COX16: variants seen among roughly 807,000 people sequenced by gnomAD.
The protein encoded by COX16 is cytochrome c oxidase assembly factor COX16.
A neutral mutation model predicts 15.4 loss-of-function variants in COX16; 12 were observed. The ratio of observed to expected loss-of-function variants is 0.78; its 90% CI spans 0.50 to 1.26. The LOEUF (loss-of-function observed/expected upper bound fraction) is 1.26, where lower values mean the gene tolerates loss of function less well. COX16 is among the 50% of genes most tolerant of loss of function. The pLI is 0.00. For missense variants in COX16, 124 were observed against 127.6 expected (o/e 0.97, Z 0.14); for synonymous variants, 46 against 41.1 (o/e 1.12, Z -0.46).
rs576495712 is a variant in COX16 at position 70,352,645 on chromosome 14, CTTTTTTTTTT to C, written c.69+6864_69+6873del. Among the ~76,000 whole-genome samples the C allele has an allele frequency of 9.5e-5, 8 of 84,486 alleles. No homozygotes were observed. In the East Asian group the frequency reaches 2.4e-3, roughly 25 times the overall value. The allele number at this position is 84,486 out of a possible 152,430, so 55.4% of individuals were successfully genotyped here. ...AACACAAATATATTTCTTTTTTTTT[CTTTTTTTTTT>C]TTTTTTTTGAGACAGAGTCTCGCTC... On this transcript the variant is annotated intron_variant, in intron 1 of 3. Coordinates refer to ENST00000389912, the MANE Select transcript of COX16 (RefSeq NM_016468.7).
In COX16 at chr14:70,359,672, G is replaced by T; in HGVS notation, c.-85C>A. The T allele has an allele frequency of 2.5e-6, 3 of 1,199,666 alleles. No homozygotes were observed. Among genetic ancestry groups the T allele is most frequent in the African/African-American group, 1.5e-5 (1 of 66,922 alleles). The allele number at this position is 1,199,666 out of a possible 1,614,324, so 74.3% of individuals were successfully genotyped here. On this transcript the variant is annotated 5_prime_UTR_variant, in exon 1 of 4. Coordinates refer to ENST00000389912, the MANE Select transcript of COX16 (RefSeq NM_016468.7). ...CAGCAGCTCACGCTCTCACCAAGAC[G>T]AGTACGTCCTTAACTCACTTCCTTT...
chr14:70,348,727 C>T (rs538165137), intron 1 of COX16, among the ~76,000 whole-genome samples: 1 of 152,290 alleles, frequency 6.6e-6, no homozygotes. Flanking sequence ...TACACTCACA[C>T]TCGTCTATGT....
At chr14:70,353,681 T>A (rs561612814) in intron 1 of COX16, among the ~76,000 whole-genome samples, 6 of 151,968 alleles carry the variant, frequency 3.9e-5, no homozygotes, top group Non-Finnish European at 8.8e-5. Context: ...ACTCGACTAA[T>A]TTTTTATATT....
intron 1 of COX16, among the ~76,000 whole-genome samples, chr14:70,347,305 A>T (rs1261118358): frequency 6.6e-6 from 1 of 152,188 alleles, no homozygotes; most frequent in Admixed American, 6.5e-5. Context: ...CTGTACTCCC[A>T]GTATGTCCAG....
At chr14:70,335,618 AG>A (rs1204003916) in intron 2 of COX16, among the ~76,000 whole-genome samples, 3 of 151,088 alleles carry the variant, frequency 2.0e-5, no homozygotes, top group African/African-American at 4.9e-5. Context: ...AAAAAAAAAA[AG>A]GACCAAATTT....
At chr14:70,339,249 T>G (rs991708542) in intron 2 of COX16, among the ~76,000 whole-genome samples, 4 of 152,148 alleles carry the variant, frequency 2.6e-5, no homozygotes, top group Admixed American at 6.5e-5. Context: ...GAATCAGCAC[T>G]CATGAGAAAA....
Position 70,326,275 on chromosome 14 carries a change from G to A in COX16, c.*58C>T, listed in dbSNP as rs1886068430. On this transcript the variant is annotated 3_prime_UTR_variant, in exon 4 of 4. Coordinates refer to ENST00000389912, the MANE Select transcript of COX16 (RefSeq NM_016468.7). ...ACTTGATAGAAGTATATATTAGGAAGTCCAGTTAATAATATTTTTATTTAA... is the reference window on the plus strand; with the variant it reads ...ACTTGATAGAAGTATATATTAGGAAATCCAGTTAATAATATTTTTATTTAA... 6 of 1,320,584 alleles carry A rather than the reference G, an allele frequency of 4.5e-6. No homozygotes were observed. The highest frequency in any genetic ancestry group is 5.9e-6 in the Non-Finnish European group (6 of 1,011,992). The allele number at this position is 1,320,584 out of a possible 1,614,324, so 81.8% of individuals were successfully genotyped here.
intron 1 of COX16, among the ~76,000 whole-genome samples, chr14:70,358,058 T>C (rs1240852562): frequency 6.6e-6 from 1 of 152,198 alleles, no homozygotes; most frequent in Non-Finnish European, 1.5e-5. Flanking sequence ...GAATGAAGTA[T>C]TGATATATGT....
At chr14:70,351,115 A>T (rs892808396) in intron 1 of COX16, among the ~76,000 whole-genome samples, 1 of 152,188 alleles carries the variant, frequency 6.6e-6, no homozygotes, top group Non-Finnish European at 1.5e-5. Context: ...AGCCCTCATT[A>T]GGGTAGTATT....
chr14:70,338,887 C>T (rs144199213), intron 2 of COX16, among the ~76,000 whole-genome samples: 104 of 152,254 alleles, frequency 6.8e-4, no homozygotes, highest in African/African-American at 2.3e-3. Flanking sequence ...TTCTTGTTTG[C>T]GTATTGTGCA....
intron 2 of COX16, among the ~76,000 whole-genome samples, chr14:70,333,283 CAAAA>C (rs1244202224): frequency 1.3e-5 from 2 of 152,078 alleles, no homozygotes; most frequent in South Asian, 4.2e-4. Flanking sequence ...ATCTTTCAGA[CAAAA>C]AACTGAAAAT....
intron 1 of COX16, among the ~76,000 whole-genome samples, chr14:70,343,137 C>G (rs1886672338): frequency 6.6e-6 from 1 of 152,134 alleles, no homozygotes; most frequent in South Asian, 2.1e-4. Context: ...AAATTTTGCC[C>G]AGGGATGTCT....
chr14:70,349,817 T>C (rs754865185), intron 1 of COX16, among the ~76,000 whole-genome samples: 5 of 152,080 alleles, frequency 3.3e-5, no homozygotes, highest in Admixed American at 6.6e-5. Flanking sequence ...CCAGACAGGG[T>C]CTTTCATTTG....
chr14:70,329,083 C>A, intron 3 of COX16, 91 bp downstream of exon 3: 1 of 1,196,252 alleles, frequency 8.4e-7, no homozygotes, highest in Non-Finnish European at 1.1e-6. Flanking sequence ...ATATATTCAA[C>A]GTAATTTTTT....
chr14:70,347,769 T>C (rs1226342509), intron 1 of COX16, among the ~76,000 whole-genome samples: 1 of 152,088 alleles, frequency 6.6e-6, no homozygotes, highest in East Asian at 1.9e-4. Context: ...ACCCGAGGGC[T>C]CACAACCGAC....
intron 3 of COX16, 31 bp downstream of exon 3, chr14:70,329,143 A>G (rs571822800): frequency 3.8e-6 from 6 of 1,582,726 alleles, no homozygotes; most frequent in Middle Eastern, 1.7e-4. Flanking sequence ...ACTGATTGTT[A>G]TAAGACAGAG....
intron 2 of COX16, among the ~76,000 whole-genome samples, chr14:70,330,104 GAAAT>G (rs1422730699): frequency 6.6e-6 from 1 of 151,852 alleles, no homozygotes; most frequent in Non-Finnish European, 1.5e-5. Context: ...AACATCATAA[GAAAT>G]AAGCACAACA....
rs368777113 is a variant in COX16 at position 70,326,146 on chromosome 14, G to A, written c.*187C>T. On this transcript the variant is annotated 3_prime_UTR_variant, in exon 4 of 4. Coordinates refer to ENST00000389912, the MANE Select transcript of COX16 (RefSeq NM_016468.7). ...AACATTGTTACTTTCATCCACAGAT[G>A]GAATAGCTGGGAAGTATAAAAACCT... 2.8e-5 allele frequency: 10 copies of A among 354,104 alleles called. No homozygotes were observed. The highest frequency in any genetic ancestry group is 4.8e-5 in the Non-Finnish European group (10 of 206,432). 21.9% of individuals were successfully genotyped at this position (354,104 alleles called of 1,614,324 possible). A position where few individuals can be genotyped will look rare whatever the true frequency, so the allele number is the denominator to read the frequency against.
chr14:70,348,894 C>T (rs371395331), intron 1 of COX16, among the ~76,000 whole-genome samples: 4 of 152,234 alleles, frequency 2.6e-5, no homozygotes, highest in African/African-American at 9.6e-5. Flanking sequence ...GCTGGAAATG[C>T]GCTAGCAGAT....
Sources: gnomAD v4.1 joint callset for allele counts (sites outside exome capture counted in the v4.1 genomes callset) on GRCh38, gnomAD v4.1.1 for gene constraint, MANE v1.5 for transcripts, NCBI Gene and HGNC (gene_info 2026-07-23, HGNC 2026-07-21) for gene names.